Variants in MACROD2 observed in about 807,000 individuals in gnomAD.
MACROD2 encodes the protein ADP-ribose glycohydrolase MACROD2.
MACROD2 carries 36 observed loss-of-function variants against 70.4 expected under a neutral mutation model. That is an observed-to-expected ratio of 0.51 (90% confidence interval 0.39 to 0.68). The LOEUF is 0.68. Among genes scored for constraint, MACROD2 ranks in the 30% least tolerant of loss-of-function variants. The pLI is 0.00. For missense variants in MACROD2, 496 were observed against 538.4 expected (o/e 0.92, Z 0.78); for synonymous variants, 172 against 178.8 (o/e 0.96, Z 0.30).
chr20:14,698,024 G>C (rs1301476117), intron 5 of MACROD2, among the ~76,000 whole-genome samples: 1 of 152,120 alleles, frequency 6.6e-6, no homozygotes, highest in Non-Finnish European at 1.5e-5. Flanking sequence ...CAGGTGCTTT[G>C]CTTATTTTTT....
intron 8 of MACROD2, among the ~76,000 whole-genome samples, chr20:15,853,839 A>G (rs1414673784): frequency 6.6e-6 from 1 of 152,192 alleles, no homozygotes; most frequent in Non-Finnish European, 1.5e-5. Context: ...CTGTGAGCTA[A>G]TTAGTAGGTG....
At chr20:14,862,652 T>A (rs78426173) in intron 5 of MACROD2, among the ~76,000 whole-genome samples, 2 of 40,776 alleles carry the variant, frequency 4.9e-5, no homozygotes, top group African/African-American at 9.7e-5. Context: ...AATATATATA[T>A]ATAAATATAT....
chr20:15,040,228 T>G (rs2075344843), intron 5 of MACROD2, among the ~76,000 whole-genome samples: 1 of 150,464 alleles, frequency 6.6e-6, no homozygotes, highest in Admixed American at 6.7e-5. Context: ...GGCAGGAGAA[T>G]GGTAAGAACC....
rs57817982 is a variant in MACROD2 at position 15,876,109 on chromosome 20, A to ATATATATATG, written c.728-9652_728-9651insATATATGTAT. Among the ~76,000 whole-genome samples, 60 of 124,360 alleles carry ATATATATATG rather than the reference A, an allele frequency of 4.8e-4. 3 individuals are homozygous for ATATATATATG. The highest frequency in any genetic ancestry group is 1.3e-3 in the South Asian group (5 of 3,836). 81.6% of individuals were successfully genotyped at this position (124,360 alleles called of 152,430 possible). A position where few individuals can be genotyped will look rare whatever the true frequency, so the allele number is the denominator to read the frequency against. ...ATGTCTTTTATATATATATATATAT[A>ATATATATATG]TATGTGTGTATTTTTTTTATTACAC... On this transcript the variant is annotated intron_variant, in intron 9 of 17. Transcript: ENST00000684519.
chr20:15,857,164 G>A (rs6110799), intron 8 of MACROD2, among the ~76,000 whole-genome samples: 2 of 152,172 alleles, frequency 1.3e-5, no homozygotes, highest in Non-Finnish European at 2.9e-5. Context: ...CATTCCACAA[G>A]GGGATGATTG....
chr20:15,084,059 G>GTTTTTTTTTTTTTTTTT (rs5840650), intron 5 of MACROD2, among the ~76,000 whole-genome samples: 2 of 110,556 alleles, frequency 1.8e-5, no homozygotes, highest in African/African-American at 4.5e-5. Context: ...GCAACACTAG[G>GTTTTTTTTTTTTTTTTT]TTTTTTTTTT....
chr20:15,582,313 G>A (rs2048536552), intron 8 of MACROD2, among the ~76,000 whole-genome samples: 1 of 151,960 alleles, frequency 6.6e-6, no homozygotes, highest in African/African-American at 2.4e-5. Context: ...TACATTTATT[G>A]GATAAATTAA....
chr20:15,234,787 C>T (rs192236270), intron 6 of MACROD2, among the ~76,000 whole-genome samples: 1 of 152,118 alleles, frequency 6.6e-6, no homozygotes, highest in Admixed American at 6.5e-5. Flanking sequence ...AGAAAAATTT[C>T]TATTGAGCCA....
intron 6 of MACROD2, among the ~76,000 whole-genome samples, chr20:15,284,132 CAT>C (rs1431915445): frequency 6.6e-6 from 1 of 151,922 alleles, no homozygotes; most frequent in Non-Finnish European, 1.5e-5. Context: ...AACTTTTTTA[CAT>C]AGTTTGTTTG....
intron 7 of MACROD2, among the ~76,000 whole-genome samples, chr20:15,444,593 C>T (rs1033592132): frequency 6.6e-6 from 1 of 151,998 alleles, no homozygotes; most frequent in Non-Finnish European, 1.5e-5. Context: ...GTACACATCG[C>T]CTCAGAGTTC....
chr20:14,591,611 A>G (rs1244358876), intron 4 of MACROD2, among the ~76,000 whole-genome samples: 1 of 152,184 alleles, frequency 6.6e-6, no homozygotes, highest in Non-Finnish European at 1.5e-5. Context: ...CAAAGGAAGA[A>G]CATTAACTTA....
At chr20:14,089,249 A>C (rs529800144) in intron 3 of MACROD2, among the ~76,000 whole-genome samples, 1 of 152,178 alleles carries the variant, frequency 6.6e-6, no homozygotes, top group Non-Finnish European at 1.5e-5. Flanking sequence ...GTGAATATAC[A>C]CTGTAATGGC....
chr20:15,249,987 G>C (rs1311137476), intron 6 of MACROD2, among the ~76,000 whole-genome samples: 2 of 152,178 alleles, frequency 1.3e-5, no homozygotes. Flanking sequence ...ACGTTGTTTA[G>C]ACTTATCTAC....
chr20:15,033,040 A>G (rs1159094740), intron 5 of MACROD2, among the ~76,000 whole-genome samples: 2 of 152,206 alleles, frequency 1.3e-5, no homozygotes, highest in Non-Finnish European at 2.9e-5. Flanking sequence ...AGAGACAAAA[A>G]GTAGATTACG....
chr20:14,097,420 C>G (rs2054243069), intron 3 of MACROD2, among the ~76,000 whole-genome samples: 1 of 151,974 alleles, frequency 6.6e-6, no homozygotes, highest in South Asian at 2.1e-4. Flanking sequence ...TTGGTTATAG[C>G]CAAAAATTAA....
intron 15 of MACROD2, among the ~76,000 whole-genome samples, chr20:16,012,417 C>T (rs756171663): frequency 5.3e-5 from 8 of 152,162 alleles, no homozygotes; most frequent in African/African-American, 1.2e-4. Flanking sequence ...GCCATACTCC[C>T]GACCAATTAA....
intron 8 of MACROD2, among the ~76,000 whole-genome samples, chr20:15,676,538 T>C (rs1429501432): frequency 6.6e-6 from 1 of 152,200 alleles, no homozygotes; most frequent in East Asian, 1.9e-4. Context: ...CAACATATCT[T>C]CCCTCCCACC....
intron 5 of MACROD2, among the ~76,000 whole-genome samples, chr20:14,890,769 AT>A (rs1773430829): frequency 1.5e-5 from 1 of 67,098 alleles, no homozygotes; most frequent in Admixed American, 1.8e-4. Context: ...AAAAAAAAAA[AT>A]AATAAAAATT....
intron 5 of MACROD2, among the ~76,000 whole-genome samples, chr20:14,794,241 T>C (rs17349437): frequency 0.063 from 9,532 of 152,258 alleles, 419 homozygotes; most frequent in Non-Finnish European, 0.095. Flanking sequence ...AGTAAACATT[T>C]GTAGTTATAT....
Sources: gnomAD v4.1 joint callset for allele counts (sites outside exome capture counted in the v4.1 genomes callset) on GRCh38, gnomAD v4.1.1 for gene constraint, MANE v1.5 for transcripts, NCBI Gene and HGNC (gene_info 2026-07-23, HGNC 2026-07-21) for gene names.